PTPRM: variants seen among roughly 807,000 people sequenced by gnomAD.
The protein encoded by PTPRM is protein tyrosine phosphatase receptor type M.
In PTPRM, 47 loss-of-function variants were observed where a neutral mutation model predicts 186.7. The observed-to-expected ratio is 0.25, with a 90% CI of 0.20 to 0.32. The LOEUF is 0.32. Among genes scored for constraint, PTPRM ranks in the 10% least tolerant of loss-of-function variants. The pLI is 1.00. For synonymous variants in PTPRM, 668 were observed against 674.9 expected, an observed-to-expected ratio of 0.99 and a Z score of 0.16; for missense variants, 1,494 against 1,865.0, an observed-to-expected ratio of 0.80 and a Z score of 3.66.
chr18:7,669,232 A>C (rs370076369), intron 1 of PTPRM, among the ~76,000 whole-genome samples: 4 of 152,138 alleles, frequency 2.6e-5, no homozygotes, highest in Non-Finnish European at 4.4e-5. Context: ...CCTGCTGGTC[A>C]CAACACCGAA....
At chr18:7,755,978 T>C (rs921238110) in intron 1 of PTPRM, among the ~76,000 whole-genome samples, 1 of 152,218 alleles carries the variant, frequency 6.6e-6, no homozygotes, top group African/African-American at 2.4e-5. Context: ...CTTCATTTCC[T>C]CTGTTGTATC....
At chr18:7,710,206 G>A (rs2040183247) in intron 1 of PTPRM, among the ~76,000 whole-genome samples, 1 of 152,174 alleles carries the variant, frequency 6.6e-6, no homozygotes, top group Non-Finnish European at 1.5e-5. Context: ...TCATGATCAA[G>A]TGGGTTTCAT....
chr18:8,183,408 C>T (rs1221884313), intron 14 of PTPRM, among the ~76,000 whole-genome samples: 2 of 152,106 alleles, frequency 1.3e-5, no homozygotes, highest in South Asian at 4.1e-4. Flanking sequence ...GGCAGGAAAG[C>T]GGTGAACTTG....
At chr18:8,072,736 A>G (rs953086337) in intron 8 of PTPRM, among the ~76,000 whole-genome samples, 3 of 152,244 alleles carry the variant, frequency 2.0e-5, no homozygotes, top group Admixed American at 2.0e-4. Flanking sequence ...TTTACCTTTC[A>G]TTAATGTTAG....
rs533728047 is a variant in PTPRM, at chr18:8,031,019, C to T, written c.1133-38667C>T. On this transcript the variant is annotated intron_variant, in intron 7 of 32. Coordinates refer to ENST00000580170, the MANE Select transcript of PTPRM (RefSeq NM_001105244.2). ...TTTTCTCCATTTTTGGAAGAGTGTG[C>T]GCTTGTTTGTATTTTACTCCCTCCT... 5.3e-5 allele frequency among the ~76,000 whole-genome samples: 8 copies of T among 152,042 alleles called. No homozygotes were observed. The South Asian group carries it at 1.0e-3, about 20-fold the overall frequency.
intron 1 of PTPRM, among the ~76,000 whole-genome samples, chr18:7,626,997 T>C (rs2038077730): frequency 6.6e-6 from 1 of 152,058 alleles, no homozygotes; most frequent in South Asian, 2.1e-4. Flanking sequence ...CAGCTCACTC[T>C]CCCCTCGGCA....
At chr18:7,751,308 C>T (rs2041206533) in intron 1 of PTPRM, 1 of 152,334 alleles carries the variant, frequency 6.6e-6, no homozygotes, top group Non-Finnish European at 1.5e-5. Context: ...CCCTGACTCA[C>T]TGTGCTGTTG....
intron 3 of PTPRM, among the ~76,000 whole-genome samples, chr18:7,897,520 A>G (rs182982964): frequency 7.5e-4 from 114 of 152,334 alleles, no homozygotes; most frequent in East Asian, 6.0e-3. Context: ...ATGTCTCAAG[A>G]AGCCACTGGG....
Position 8,053,483 on chromosome 18 carries a change from A to G in PTPRM, c.1133-16203A>G, listed in dbSNP as rs188598430. ...CCCAGGAATCAGAAACACCACCTCT[A>G]TCATATAGAACATCAGGATTTCTGT... is the stretch of plus-strand genomic sequence containing the variant. On this transcript the variant is annotated intron_variant, in intron 7 of 32. Coordinates refer to ENST00000580170, the MANE Select transcript of PTPRM (RefSeq NM_001105244.2). Among the ~76,000 whole-genome samples the G allele has an allele frequency of 5.2e-3, 791 of 152,146 alleles. 2 individuals are homozygous for G. The highest frequency in any genetic ancestry group is 0.017 in the South Asian group (81 of 4,814).
chr18:8,183,463 G>A (rs569843594), intron 14 of PTPRM, among the ~76,000 whole-genome samples: 1 of 152,288 alleles, frequency 6.6e-6, no homozygotes, highest in African/African-American at 2.4e-5. Flanking sequence ...TGTGTTGTTT[G>A]TCCTGCAATA....
intron 2 of PTPRM, among the ~76,000 whole-genome samples, chr18:7,833,646 A>G (rs567275038): frequency 6.6e-6 from 1 of 152,254 alleles, no homozygotes; most frequent in East Asian, 1.9e-4. Context: ...AGGTAGGAGA[A>G]TCACTTGAAC....
At position 8,088,731 on chromosome 18, in the gene PTPRM, C is replaced by A. The variant is rs775552622; in HGVS notation, c.1754-18C>A. On this transcript the variant is annotated intron_variant, in intron 10 of 32. Transcript: ENST00000580170. ...AACCAGAAATAATGAGTCTCCCATT[C>A]TACGCCTTTTTCCCCAGCACCCTCT... 1,052 of 1,564,102 alleles carry A rather than the reference C, an allele frequency of 6.7e-4. No individual in the cohort carries two copies. The highest frequency in any genetic ancestry group is 8.9e-4 in the Admixed American group (53 of 59,800).
chr18:7,918,327 G>A (rs1259333721), intron 4 of PTPRM, among the ~76,000 whole-genome samples: 1 of 151,980 alleles, frequency 6.6e-6, no homozygotes, highest in Non-Finnish European at 1.5e-5. Context: ...GTTTTTCATA[G>A]GGGCTGTACT....
chr18:8,275,983 A>G (rs926894778), intron 19 of PTPRM, among the ~76,000 whole-genome samples: 1 of 151,584 alleles, frequency 6.6e-6, no homozygotes, highest in Admixed American at 6.6e-5. Flanking sequence ...TGTGGTAAAG[A>G]CCTCTCGCTT....
At position 8,247,915 on chromosome 18, in the gene PTPRM, C is replaced by T. The variant is rs780854111; in HGVS notation, c.2523C>T (p.Tyr841=). 11 of 1,586,662 alleles carry T rather than the reference C, an allele frequency of 6.9e-6. No homozygotes were observed. In the South Asian group the frequency reaches 1.2e-4, roughly 18 times the overall value. Residue 841 remains tyrosine, a synonymous_variant, in exon 16 of 33, where the codon TAC becomes TAT. Transcript: ENST00000580170. ...GCACATCGGTGCCTAATTCCTATTACCCAGGTAACAGTTTTTTCCATTGTC... is the reference window on the plus strand; with the variant it reads ...GCACATCGGTGCCTAATTCCTATTATCCAGGTAACAGTTTTTTCCATTGTC... ...TLSTSVPNSY[Y]PDPFVPTAIL... is the part of the protein sequence containing the mutation.
In PTPRM at chr18:7,922,799, A is replaced by G. The variant is rs199660304; in HGVS notation, c.548-3769A>G. Among the ~76,000 whole-genome samples the G allele has an allele frequency of 2.3e-4, 19 of 82,344 alleles. No homozygotes were observed. The South Asian group carries it at 8.5e-3, about 37-fold the overall frequency. The allele number at this position is 82,344 out of a possible 152,430, so 54.0% of individuals were successfully genotyped here. ...AGTAATTTCTAATAGTTTAACTTAT[A>G]AAAAAAAGGTTTTAATTATGAAAAC... is the stretch of plus-strand genomic sequence containing the variant. On this transcript the variant is annotated intron_variant, in intron 4 of 32. Transcript: ENST00000580170.
At chr18:7,911,066 C>T (rs1451758211) in intron 4 of PTPRM, among the ~76,000 whole-genome samples, 5 of 152,160 alleles carry the variant, frequency 3.3e-5, no homozygotes, top group East Asian at 3.8e-4. Context: ...CTTCACTTAG[C>T]GTGTTTCAAA....
intron 23 of PTPRM, among the ~76,000 whole-genome samples, chr18:8,351,676 C>T (rs1568807358): frequency 6.6e-6 from 1 of 152,174 alleles, no homozygotes; most frequent in Non-Finnish European, 1.5e-5. Flanking sequence ...CTGGAAATAG[C>T]AGCAATTCCT....
At chr18:8,313,056 G>C (rs970663980) in intron 20 of PTPRM, among the ~76,000 whole-genome samples, 1 of 152,130 alleles carries the variant, frequency 6.6e-6, no homozygotes, top group Admixed American at 6.5e-5. Context: ...TCAAGGAATG[G>C]GTCCAGGTCA....
Sources: gnomAD v4.1 joint callset for allele counts (sites outside exome capture counted in the v4.1 genomes callset) on GRCh38, gnomAD v4.1.1 for gene constraint, MANE v1.5 for transcripts, NCBI Gene and HGNC (gene_info 2026-07-23, HGNC 2026-07-21) for gene names.